The following ANTXR2 variants were observed in gnomAD, a reference collection of about 807,000 sequenced individuals.
The protein encoded by ANTXR2 is anthrax toxin receptor 2.
In ANTXR2, 44 loss-of-function variants were observed where a neutral mutation model predicts 73.7. The ratio of observed to expected loss-of-function variants is 0.60; its 90% CI spans 0.47 to 0.77. The LOEUF (loss-of-function observed/expected upper bound fraction) is 0.77. ANTXR2 is among the 30% of genes least tolerant of loss of function. The pLI, the probability that ANTXR2 is intolerant of heterozygous loss-of-function variation, is 0.00. For missense variants in ANTXR2, 604 were observed against 592.5 expected, an observed-to-expected ratio of 1.02 and a Z score of -0.20; for synonymous variants, 217 against 205.9, an observed-to-expected ratio of 1.05 and a Z score of -0.46.
At chr4:80,005,717 T>A (rs1386877723) in intron 12 of ANTXR2, among the ~76,000 whole-genome samples, 1 of 152,132 alleles carries the variant, frequency 6.6e-6, no homozygotes, top group Non-Finnish European at 1.5e-5. Flanking sequence ...AGGTGCAATA[T>A]CTGTCACTGC....
chr4:80,027,622 C>T (rs954263407), intron 10 of ANTXR2, among the ~76,000 whole-genome samples: 2 of 152,172 alleles, frequency 1.3e-5, no homozygotes, highest in Non-Finnish European at 2.9e-5. Flanking sequence ...TTTGAAAGCA[C>T]ATTTAACTAT....
rs190917181 is a variant in ANTXR2 at position 79,912,830 on chromosome 4, G to A, written c.1429-5363C>T. On this transcript the variant is annotated intron_variant, in intron 16 of 16. Coordinates refer to ENST00000403729, the MANE Select transcript of ANTXR2 (RefSeq NM_058172.6). ...TTCATCTATTTTACTCTATTCTACA[G>A]CCATTAAAATAAGGAAACTTTCTAA... Among the ~76,000 whole-genome samples, 4 of 151,928 alleles carry A rather than the reference G, an allele frequency of 2.6e-5. No individual in the cohort carries two copies. The East Asian group carries it at 7.7e-4, about 29-fold the overall frequency.
chr4:79,981,538 T>C (rs936876766), intron 14 of ANTXR2, among the ~76,000 whole-genome samples: 3 of 152,194 alleles, frequency 2.0e-5, no homozygotes, highest in Non-Finnish European at 2.9e-5. Flanking sequence ...ATTCCTCTTA[T>C]GTGTATAGGG....
intron 7 of ANTXR2, among the ~76,000 whole-genome samples, chr4:80,052,820 TAAATG>T (rs1733828485): frequency 6.6e-6 from 1 of 151,582 alleles, no homozygotes; most frequent in African/African-American, 2.4e-5. Flanking sequence ...ATAGAAAAAT[TAAATG>T]TATCCAACAA....
At chr4:80,059,951 G>A (rs1320237464) in intron 3 of ANTXR2, among the ~76,000 whole-genome samples, 1 of 152,162 alleles carries the variant, frequency 6.6e-6, no homozygotes, top group African/African-American at 2.4e-5. Flanking sequence ...AACTAACAAT[G>A]AAGGCATAAT....
rs76427360 is a variant in ANTXR2, at chr4:80,019,764, A to G, written c.867-788T>C. On this transcript the variant is annotated intron_variant, in intron 10 of 16. Coordinates refer to ENST00000403729, the MANE Select transcript of ANTXR2 (RefSeq NM_058172.6). ...GGTATTTGTTGCAGATGGTCCAAAG[A>G]TATTAAAATATCCCGACAAAGGTAC... Among the ~76,000 whole-genome samples, 223 of 152,360 alleles carry G rather than the reference A, an allele frequency of 1.5e-3. 4 individuals carry two copies. In the East Asian group the frequency reaches 0.04, roughly 27 times the overall value.
chr4:79,924,910 T>C (rs939415430), intron 16 of ANTXR2, among the ~76,000 whole-genome samples: 3 of 152,168 alleles, frequency 2.0e-5, no homozygotes, highest in Admixed American at 2.0e-4. Context: ...ACTGTCATAC[T>C]CTCACCTAAC....
Position 80,071,600 on chromosome 4 carries a change from A to C in ANTXR2, c.207T>G (p.Leu69=). ...WIEIYNFVQQ[L]AERFVSPEMR... ...AAAGATACCTCACAAATCTCTCCGCAAGTTGCTGTACGAAATTATAAATTT... is the reference window on the plus strand; with the variant it reads ...AAAGATACCTCACAAATCTCTCCGCCAGTTGCTGTACGAAATTATAAATTT... Residue 69 remains leucine, a synonymous_variant, in exon 2 of 17, where the codon CTT becomes CTG. Coordinates refer to ENST00000403729, the MANE Select transcript of ANTXR2 (RefSeq NM_058172.6). 1 of 1,612,818 alleles carries C rather than the reference A, an allele frequency of 6.2e-7. No individual in the cohort carries two copies. Among genetic ancestry groups the C allele is most frequent in the South Asian group, 1.1e-5 (1 of 91,036 alleles).
At chr4:80,054,879 G>A (rs1212895068) in intron 6 of ANTXR2, among the ~76,000 whole-genome samples, 1 of 151,358 alleles carries the variant, frequency 6.6e-6, no homozygotes, top group Non-Finnish European at 1.5e-5. Context: ...ATTGAGTTAA[G>A]AGAAATATGT....
intron 12 of ANTXR2, among the ~76,000 whole-genome samples, chr4:79,994,867 C>T (rs1427907309): frequency 6.6e-6 from 1 of 151,882 alleles, no homozygotes; most frequent in Non-Finnish European, 1.5e-5. Context: ...AAACATGAGC[C>T]AGTTTTTCTA....
intron 4 of ANTXR2, 87 bp from the exon 5 acceptor site, chr4:80,055,554 CAAAATCAAAATATTACTGGCTAGCTTTTA>C (rs1733956610): frequency 9.4e-7 from 1 of 1,066,656 alleles, no homozygotes; most frequent in Admixed American, 2.2e-5. Flanking sequence ...GTAAGTCTGA[CAAAATCAAAATATTACTGGCTAGCTTTTA>C]AAACAGGGTA....
At chr4:80,026,457 T>C (rs1405835979) in intron 10 of ANTXR2, among the ~76,000 whole-genome samples, 1 of 152,116 alleles carries the variant, frequency 6.6e-6, no homozygotes, top group Non-Finnish European at 1.5e-5. Context: ...GACTAATACA[T>C]TTAGTAATAA....
intron 10 of ANTXR2, among the ~76,000 whole-genome samples, chr4:80,030,287 T>C (rs777748125): frequency 6.6e-6 from 1 of 151,864 alleles, no homozygotes; most frequent in Admixed American, 6.6e-5. Context: ...AAATGGAAAA[T>C]ACAGTTTGGG....
intron 12 of ANTXR2, among the ~76,000 whole-genome samples, chr4:79,993,689 C>T (rs1730581278): frequency 6.6e-6 from 1 of 151,562 alleles, no homozygotes; most frequent in Non-Finnish European, 1.5e-5. Context: ...AGCCAAGGCA[C>T]TTCCCACTCT....
intron 12 of ANTXR2, among the ~76,000 whole-genome samples, chr4:79,991,938 T>C (rs755404932): frequency 6.6e-5 from 10 of 151,762 alleles, no homozygotes; most frequent in Non-Finnish European, 1.3e-4. Context: ...ATGAGAACAA[T>C]AGACATCAGG....
chr4:79,995,862 T>G (rs1265234534), intron 12 of ANTXR2, among the ~76,000 whole-genome samples: 1 of 151,998 alleles, frequency 6.6e-6, no homozygotes, highest in Admixed American at 6.6e-5. Flanking sequence ...CATTTTGATC[T>G]GGTAAATTAA....
intron 16 of ANTXR2, among the ~76,000 whole-genome samples, chr4:79,947,309 T>G (rs1413549507): frequency 6.6e-6 from 1 of 152,190 alleles, no homozygotes; most frequent in Non-Finnish European, 1.5e-5. Flanking sequence ...CTCTTATAAC[T>G]GAATCTGTTC....
intron 16 of ANTXR2, among the ~76,000 whole-genome samples, chr4:79,958,764 A>T (rs541114808): frequency 2.6e-4 from 39 of 152,156 alleles, no homozygotes; most frequent in Non-Finnish European, 5.3e-4. Flanking sequence ...TTCGGAGGAC[A>T]GTTAAAACCG....
chr4:80,072,509 C>G lies in ANTXR2; in HGVS notation c.52G>C (p.Gly18Arg). 1 of 1,604,620 alleles carries G rather than the reference C, an allele frequency of 6.2e-7. No individual in the cohort carries two copies. The highest frequency in any genetic ancestry group is 1.1e-5 in the South Asian group (1 of 89,914). Residue 18 changes from glycine (G) to arginine (R), a missense_variant, in exon 1 of 17, where the codon GGG becomes CGG. Coordinates refer to ENST00000403729, the MANE Select transcript of ANTXR2 (RefSeq NM_058172.6). ...ARSPGSWLFPGLWLLVLSGPG... is the reference protein window; with the variant it reads ...ARSPGSWLFPRLWLLVLSGPG... ...CCGCTGAGCACCAACAGCCACAGCC[C>G]GGGGAACAGCCAGCTCCCGGGGCTG... is the stretch of plus-strand genomic sequence containing the variant.
Sources: allele counts gnomAD v4.1 joint callset (sites outside exome capture counted in the v4.1 genomes callset), GRCh38; gene constraint gnomAD v4.1.1; transcripts MANE v1.5; gene names NCBI Gene and HGNC (gene_info 2026-07-23, HGNC 2026-07-21).